Variants in FYN observed in about 807,000 individuals in gnomAD.
FYN encodes the protein tyrosine-protein kinase Fyn.
FYN carries 10 observed loss-of-function variants against 70.2 expected under a neutral mutation model. That is an observed-to-expected ratio of 0.14 (90% CI 0.09 to 0.24). The LOEUF (loss-of-function observed/expected upper bound fraction) is 0.24. Ranked by LOEUF, FYN falls within the 10% of genes least tolerant of loss-of-function variation. FYN has a pLI of 1.00. For synonymous variants in FYN, 236 were observed against 248.6 expected (o/e 0.95, Z 0.48); for missense variants, 319 against 673.1 (o/e 0.47, Z 5.82).
At chr6:111,861,081 T>G (rs114014422) in intron 1 of FYN, among the ~76,000 whole-genome samples, 82 of 152,202 alleles carry the variant, frequency 5.4e-4, no homozygotes, top group Non-Finnish European at 1.0e-3. Context: ...GAGGACCCAA[T>G]GTATCACCTG....
At chr6:111,773,040 G>C (rs1803512259) in intron 3 of FYN, among the ~76,000 whole-genome samples, 1 of 150,966 alleles carries the variant, frequency 6.6e-6, no homozygotes, top group African/African-American at 2.4e-5. Context: ...TAGAGGTAAA[G>C]TGTCAAGATG....
At chr6:111,721,379 A>C (rs922518237) in intron 3 of FYN, among the ~76,000 whole-genome samples, 1 of 152,204 alleles carries the variant, frequency 6.6e-6, no homozygotes, top group Admixed American at 6.5e-5. Context: ...CAGATGAGTG[A>C]AGATTCTGTA....
At chr6:111,708,733 G>A (rs1800228504) in intron 5 of FYN, among the ~76,000 whole-genome samples, 4 of 152,140 alleles carry the variant, frequency 2.6e-5, no homozygotes, top group Admixed American at 1.3e-4. Context: ...GCGTGTGCTC[G>A]CACAGGTGAA....
chr6:111,812,926 T>C (rs1359841992), intron 2 of FYN, among the ~76,000 whole-genome samples: 1 of 152,128 alleles, frequency 6.6e-6, no homozygotes, highest in Non-Finnish European at 1.5e-5. Context: ...CTCTGTGAAG[T>C]GCCAAGTAGA....
At chr6:111,864,874 C>T (rs908289260) in intron 1 of FYN, among the ~76,000 whole-genome samples, 2 of 152,142 alleles carry the variant, frequency 1.3e-5, no homozygotes, top group African/African-American at 4.8e-5. Context: ...TCAGTCTCCC[C>T]ATTTGACTAA....
At chr6:111,833,056 T>C (rs1339610715) in intron 2 of FYN, among the ~76,000 whole-genome samples, 5 of 152,248 alleles carry the variant, frequency 3.3e-5, no homozygotes, top group Non-Finnish European at 5.9e-5. Context: ...AGAATGGAAA[T>C]GTTTAAAAAC....
intron 3 of FYN, among the ~76,000 whole-genome samples, chr6:111,765,598 G>A (rs985350889): frequency 7.2e-5 from 11 of 152,192 alleles, no homozygotes; most frequent in African/African-American, 2.2e-4. Context: ...TTTCTCTGGC[G>A]TGTGTTATCT....
At chr6:111,711,858 T>C (rs1386706866) in intron 5 of FYN, among the ~76,000 whole-genome samples, 1 of 152,270 alleles carries the variant, frequency 6.6e-6, no homozygotes, top group South Asian at 2.1e-4. Flanking sequence ...AACCTTATTT[T>C]TCTTTTCTAT....
intron 13 of FYN, among the ~76,000 whole-genome samples, chr6:111,667,570 T>C (rs960578471): frequency 3.9e-5 from 6 of 152,190 alleles, no homozygotes; most frequent in Admixed American, 6.5e-5. Flanking sequence ...TTAGATTCTA[T>C]AGGGAAGGAA....
chr6:111,788,139 G>A (rs1771468934), intron 2 of FYN, among the ~76,000 whole-genome samples: 1 of 152,030 alleles, frequency 6.6e-6, no homozygotes, highest in Admixed American at 6.6e-5. Context: ...TGAAGTTCTT[G>A]CCCAGTTCCC....
rs71021861 is a variant in FYN at position 111,699,913 on chromosome 6, CTTTTTTTT to C, written c.862+183_862+190del. 1,124 of 186,550 alleles carry C rather than the reference CTTTTTTTT, an allele frequency of 6.0e-3. 13 individuals carry two copies. Among genetic ancestry groups the C allele is most frequent in the African/African-American group, 0.032 (1,043 of 32,628 alleles). The allele number at this position is 186,550 out of a possible 1,614,324, so 11.6% of individuals were successfully genotyped here. On this transcript the variant is annotated intron_variant, in intron 9 of 13. Transcript: ENST00000354650. ...TTTGCCAATTTTGCCCACTTACTAT[CTTTTTTTT>C]TTTTTTTTTTTTTTTTTAGGAATTC...
At chr6:111,743,142 T>C (rs538098548) in intron 3 of FYN, among the ~76,000 whole-genome samples, 3 of 152,172 alleles carry the variant, frequency 2.0e-5, no homozygotes, top group African/African-American at 7.2e-5. Context: ...AATTTTTGTA[T>C]TTTTAGTAGA....
At chr6:111,688,372 C>T (rs1486221158) in intron 12 of FYN, among the ~76,000 whole-genome samples, 1 of 152,182 alleles carries the variant, frequency 6.6e-6, no homozygotes. Flanking sequence ...CCTGCAGCCA[C>T]AACAGCATTT....
chr6:111,778,544 TTTTTTTC>T (rs1224617496), intron 3 of FYN, among the ~76,000 whole-genome samples: 5 of 152,142 alleles, frequency 3.3e-5, no homozygotes, highest in Non-Finnish European at 5.9e-5. Flanking sequence ...CCTCACTTTC[TTTTTTTC>T]TTTTTTCTTT....
Position 111,660,765 on chromosome 6 carries a change from A to T in FYN, c.*974T>A, listed in dbSNP as rs1797703787. 1 of 152,226 alleles carries T rather than the reference A, an allele frequency of 6.6e-6. No homozygotes were observed. The highest frequency in any genetic ancestry group is 2.4e-5 in the African/African-American group (1 of 41,446). 9.4% of individuals were successfully genotyped at this position (152,226 alleles called of 1,614,324 possible). ...CCATGACTACAATGCTATGGGTTTT[A>T]GATCACTTAAATGTGGTTACAGGTT... On this transcript the variant is annotated 3_prime_UTR_variant, in exon 14 of 14. Coordinates refer to ENST00000354650, the MANE Select transcript of FYN (RefSeq NM_002037.5).
chr6:111,695,046 G>T (rs2128436873), intron 10 of FYN, among the ~76,000 whole-genome samples: 1 of 152,262 alleles, frequency 6.6e-6, no homozygotes, highest in East Asian at 1.9e-4. Flanking sequence ...AATCACCCCT[G>T]CACAAAGAAT....
rs77225332 is a variant in FYN at position 111,688,515 on chromosome 6, C to T, written c.1273+5860G>A. ...TATTTATTAAATACTACTATGTGCT[C>T]TGTGTCTACAAGGGCCCGCTGCTAG... On this transcript the variant is annotated intron_variant, in intron 12 of 13. Coordinates refer to ENST00000354650, the MANE Select transcript of FYN (RefSeq NM_002037.5). 3.1e-3 allele frequency among the ~76,000 whole-genome samples: 478 copies of T among 152,280 alleles called. 23 individuals are homozygous for T. The East Asian group carries it at 0.082, about 26-fold the overall frequency.
chr6:111,706,903 GA>G (rs1800117642), intron 6 of FYN, among the ~76,000 whole-genome samples: 1 of 152,094 alleles, frequency 6.6e-6, no homozygotes, highest in Non-Finnish European at 1.5e-5. Context: ...GTCACTAGGA[GA>G]AAGAAACAAC....
At chr6:111,686,809 G>A (rs1022646538) in intron 12 of FYN, among the ~76,000 whole-genome samples, 5 of 152,196 alleles carry the variant, frequency 3.3e-5, no homozygotes, top group East Asian at 3.9e-4. Flanking sequence ...ATCTGCCACC[G>A]GATTACAGGG....
Sources: gnomAD v4.1 joint callset for allele counts (sites outside exome capture counted in the v4.1 genomes callset) on GRCh38, gnomAD v4.1.1 for gene constraint, MANE v1.5 for transcripts, NCBI Gene and HGNC (gene_info 2026-07-23, HGNC 2026-07-21) for gene names.